The following COMMD1 variants were observed in gnomAD, a reference collection of about 807,000 sequenced individuals.
The protein encoded by COMMD1 is copper metabolism domain containing 1.
COMMD1 carries 10 observed loss-of-function variants against 17.2 expected under a neutral mutation model. The ratio of observed to expected loss-of-function variants is 0.58; its 90% CI spans 0.36 to 0.99. COMMD1 has a LOEUF of 0.99. COMMD1 is among the 50% of genes least tolerant of loss of function. The pLI is 0.01. For missense variants in COMMD1, 270 were observed against 231.8 expected (o/e 1.17, Z -1.07); for synonymous variants, 97 against 91.6 (o/e 1.06, Z -0.34).
chr2:62,061,586 A>G (rs1670858100), intron 2 of COMMD1, among the ~76,000 whole-genome samples: 1 of 130,324 alleles, frequency 7.7e-6, no homozygotes, highest in Non-Finnish European at 1.6e-5. Context: ...GACGGAATCT[A>G]GCTCTGTTGC....
chr2:61,997,980 C>G (rs529614867), intron 1 of COMMD1, among the ~76,000 whole-genome samples: 8 of 152,356 alleles, frequency 5.3e-5, no homozygotes, highest in African/African-American at 1.7e-4. Flanking sequence ...GGATAACTTG[C>G]TGCAGCTCAT....
chr2:62,005,730 CTT>C (rs1256382067), intron 2 of COMMD1, among the ~76,000 whole-genome samples: 1 of 151,952 alleles, frequency 6.6e-6, no homozygotes, highest in Non-Finnish European at 1.5e-5. Flanking sequence ...AATAGGAACA[CTT>C]TTACACCGTT....
intron 2 of COMMD1, among the ~76,000 whole-genome samples, chr2:62,003,230 C>CAAAAAA (rs755266437): frequency 5.4e-5 from 7 of 129,756 alleles, no homozygotes; most frequent in East Asian, 2.2e-4. Flanking sequence ...GGCGCTGTCT[C>CAAAAAA]AAAAAAAAAA....
chr2:62,013,903 G>A (rs1669359760), intron 2 of COMMD1, among the ~76,000 whole-genome samples: 1 of 152,204 alleles, frequency 6.6e-6, no homozygotes, highest in African/African-American at 2.4e-5. Flanking sequence ...ACATTTGGCA[G>A]TTAAGAAGAT....
chr2:61,981,887 T>A (rs1205274917), intron 1 of COMMD1, among the ~76,000 whole-genome samples: 1 of 152,212 alleles, frequency 6.6e-6, no homozygotes, highest in Non-Finnish European at 1.5e-5. Flanking sequence ...TCAGTTACTA[T>A]AGCTCTGTAG....
At chr2:62,053,127 G>A (rs927906558) in intron 2 of COMMD1, among the ~76,000 whole-genome samples, 1 of 152,132 alleles carries the variant, frequency 6.6e-6, no homozygotes, top group African/African-American at 2.4e-5. Context: ...TAATTCTGAT[G>A]CCTATCTCAC....
intron 2 of COMMD1, among the ~76,000 whole-genome samples, chr2:62,097,785 G>A (rs1044170888): frequency 2.6e-5 from 4 of 152,110 alleles, no homozygotes; most frequent in African/African-American, 9.7e-5. Flanking sequence ...TAGGGATGAG[G>A]ACCGACAGTA....
At chr2:62,045,477 C>G (rs1670354062) in intron 2 of COMMD1, among the ~76,000 whole-genome samples, 1 of 151,778 alleles carries the variant, frequency 6.6e-6, no homozygotes, top group African/African-American at 2.4e-5. Flanking sequence ...TTTGATTAGT[C>G]TTACAAAGGC....
intron 2 of COMMD1, among the ~76,000 whole-genome samples, chr2:62,002,826 AG>A (rs1017083769): frequency 3.3e-5 from 5 of 152,062 alleles, no homozygotes; most frequent in African/African-American, 4.8e-5. Context: ...ACTGTACTCC[AG>A]GCTGGGTGGG....
rs528993703 is a variant in COMMD1 at position 62,114,135 on chromosome 2, T to C, written c.463-21696T>C. On this transcript the variant is annotated intron_variant, in intron 2 of 2. Coordinates refer to ENST00000311832, the MANE Select transcript of COMMD1 (RefSeq NM_152516.4). ...ATTGACAGAAGGAAAAACAGAAAAA[T>C]GATAGAATATTTGAGTAGTAACATA... is the stretch of plus-strand genomic sequence containing the variant. 1.1e-4 allele frequency among the ~76,000 whole-genome samples: 16 copies of C among 152,308 alleles called. No individual in the cohort carries two copies. In the South Asian group the frequency reaches 3.3e-3, roughly 32 times the overall value.
At chr2:62,055,164 T>G (rs531928878) in intron 2 of COMMD1, among the ~76,000 whole-genome samples, 1 of 152,360 alleles carries the variant, frequency 6.6e-6, no homozygotes, top group Non-Finnish European at 1.5e-5. Flanking sequence ...GAGCTGCATC[T>G]GGTGGGAAGC....
At chr2:61,908,417 G>T (rs1419150138) in intron 1 of COMMD1, among the ~76,000 whole-genome samples, 1 of 151,728 alleles carries the variant, frequency 6.6e-6, no homozygotes, top group Non-Finnish European at 1.5e-5. Flanking sequence ...TGGAGAGATG[G>T]GGTTTCACCA....
At chr2:61,906,595 T>C (rs1343617399) in intron 1 of COMMD1, among the ~76,000 whole-genome samples, 1 of 151,064 alleles carries the variant, frequency 6.6e-6, no homozygotes, top group African/African-American at 2.5e-5. Flanking sequence ...ACCATCATAT[T>C]GGACAACTCT....
chr2:62,118,427 T>A (rs1672659731), intron 2 of COMMD1: 1 of 152,242 alleles, frequency 6.6e-6, no homozygotes, highest in South Asian at 2.1e-4. Flanking sequence ...TATCTTCCTG[T>A]CTGTCTAACA....
At chr2:62,087,111 C>T (rs1370788312) in intron 2 of COMMD1, among the ~76,000 whole-genome samples, 1 of 152,188 alleles carries the variant, frequency 6.6e-6, no homozygotes, top group Non-Finnish European at 1.5e-5. Context: ...GTGTGAGTCA[C>T]TGCACCTGGC....
chr2:62,055,378 C>T, intron 2 of COMMD1: 1 of 455,366 alleles, frequency 2.2e-6, no homozygotes, highest in South Asian at 1.5e-5. Flanking sequence ...GACTCTAAGA[C>T]TGCCAGCAAA....
chr2:62,095,143 G>A (rs879844398), intron 2 of COMMD1, among the ~76,000 whole-genome samples: 12 of 152,144 alleles, frequency 7.9e-5, no homozygotes, highest in Non-Finnish European at 1.3e-4. Flanking sequence ...ACCTGCATTG[G>A]AATCACAAAC....
At chr2:62,093,748 G>A (rs545713483) in intron 2 of COMMD1, among the ~76,000 whole-genome samples, 3 of 152,226 alleles carry the variant, frequency 2.0e-5, no homozygotes, top group African/African-American at 7.2e-5. Flanking sequence ...CATCTGAATT[G>A]CTTCTAGTAA....
rs559066825 is a variant in COMMD1, at chr2:61,927,762, C to T, written c.180+21904C>T. 2.0e-5 allele frequency among the ~76,000 whole-genome samples: 3 copies of T among 151,124 alleles called. No homozygotes were observed. The South Asian group carries it at 6.3e-4, about 32-fold the overall frequency. On this transcript the variant is annotated intron_variant, in intron 1 of 2. Coordinates refer to ENST00000311832, the MANE Select transcript of COMMD1 (RefSeq NM_152516.4). ...CCTAGTGGAGTAGCTTAGTCCAAAA[C>T]AGTGGCCTTCTGAAGGTTTTGTTTT... is the stretch of plus-strand genomic sequence containing the variant.
Sources: allele counts gnomAD v4.1 joint callset (sites outside exome capture counted in the v4.1 genomes callset), GRCh38; gene constraint gnomAD v4.1.1; transcripts MANE v1.5; gene names NCBI Gene and HGNC (gene_info 2026-07-23, HGNC 2026-07-21).